The following SNRPC variants were observed in gnomAD, a reference collection of about 807,000 sequenced individuals.
The protein encoded by SNRPC is U1 small nuclear ribonucleoprotein C.
Under a neutral mutation model 20.0 loss-of-function variants are expected in SNRPC, and 5 were observed. That is an observed-to-expected ratio of 0.25 (90% CI 0.13 to 0.53). The LOEUF (loss-of-function observed/expected upper bound fraction) is 0.53. Among genes scored for constraint, SNRPC ranks in the 20% least tolerant of loss-of-function variants. The pLI, the probability that SNRPC is intolerant of heterozygous loss-of-function variation, is 0.96. For synonymous variants in SNRPC, 61 were observed against 58.7 expected (o/e 1.04, Z -0.18); for missense variants, 112 against 224.1 (o/e 0.50, Z 3.19).
intron 2 of SNRPC, among the ~76,000 whole-genome samples, chr6:34,759,254 A>G (rs7341267): frequency 0.45 from 67,958 of 152,062 alleles, 17,227 homozygotes; most frequent in African/African-American, 0.7. Context: ...CTGAATATAC[A>G]GTTTGTGTCT....
Position 34,757,565 on chromosome 6 carries a change from C to G in SNRPC, c.8+14C>G, listed in dbSNP as rs201535686. On this transcript the variant is annotated intron_variant, in intron 1 of 5. Coordinates refer to ENST00000244520, the MANE Select transcript of SNRPC (RefSeq NM_003093.3). Reference sequence around the variant, plus strand: ...CAACATGCCCAAGTGAGTGGGGCCCCGAAATCTGAGGGTGATCGTAGTCAC... The same window carrying G: ...CAACATGCCCAAGTGAGTGGGGCCCGGAAATCTGAGGGTGATCGTAGTCAC... 3.0e-5 allele frequency: 49 copies of G among 1,612,376 alleles called. No individual in the cohort carries two copies. Among genetic ancestry groups the G allele is most frequent in the Non-Finnish European group, 2.0e-5 (24 of 1,178,508 alleles).
chr6:34,771,328 CAAAAAA>C (rs774284128), intron 5 of SNRPC, among the ~76,000 whole-genome samples: 1 of 63,802 alleles, frequency 1.6e-5, no homozygotes, highest in East Asian at 3.5e-4. Flanking sequence ...GACTGTGTCT[CAAAAAA>C]AAAAAAAAAA....
intron 2 of SNRPC, 152 bp from the exon 3 acceptor site, chr6:34,762,443 G>T: frequency 1.8e-6 from 1 of 555,806 alleles, no homozygotes; most frequent in Non-Finnish European, 3.2e-6. Context: ...AATTACCACA[G>T]TGTGTTGCTG....
intron 2 of SNRPC, 27 bp downstream of exon 2, chr6:34,757,981 C>T: frequency 6.3e-7 from 1 of 1,592,166 alleles, no homozygotes; most frequent in Non-Finnish European, 8.5e-7. Context: ...TTCATAGTTT[C>T]AAAAAGCCTT....
At chr6:34,759,853 C>A (rs1420731709) in intron 2 of SNRPC, among the ~76,000 whole-genome samples, 2 of 152,208 alleles carry the variant, frequency 1.3e-5, no homozygotes, top group African/African-American at 4.8e-5. Context: ...CTATGCTTTG[C>A]TGTCTCTGTA....
chr6:34,770,669 A>G (rs1409203712), intron 5 of SNRPC, among the ~76,000 whole-genome samples: 2 of 152,266 alleles, frequency 1.3e-5, no homozygotes, highest in Non-Finnish European at 1.5e-5. Flanking sequence ...ACCTCGTGCT[A>G]CTAAAAGCAG....
At chr6:34,769,904 A>G (rs1764664693) in intron 4 of SNRPC, among the ~76,000 whole-genome samples, 1 of 152,212 alleles carries the variant, frequency 6.6e-6, no homozygotes, top group Admixed American at 6.5e-5. Flanking sequence ...GAAGGAGTTC[A>G]TGAGATCCTT....
Position 34,773,573 on chromosome 6 carries a change from A to T in SNRPC, c.*3A>T. 6.2e-7 allele frequency: 1 copy of T among 1,613,236 alleles called. No individual in the cohort carries two copies. Among genetic ancestry groups the T allele is most frequent in the Non-Finnish European group, 8.5e-7 (1 of 1,179,638 alleles). ...GAATGACTCGACCAGACAGATAAGG[A>T]TAGAGGGGAGGCCTTATTGTATCGG... On this transcript the variant is annotated 3_prime_UTR_variant, in exon 6 of 6. Coordinates refer to ENST00000244520, the MANE Select transcript of SNRPC (RefSeq NM_003093.3). The surrounding 1 kb of genome is among the most constrained non-coding windows in gnomAD (Gnocchi z 4.1).
chr6:34,757,805 TTTTTG>T (rs748062559), intron 1 of SNRPC, 102 bp from the exon 2 acceptor site: 44 of 1,603,600 alleles, frequency 2.7e-5, no homozygotes, highest in South Asian at 1.9e-4. Context: ...GCGGTCTGGC[TTTTTG>T]TTTTGTTTGT....
At chr6:34,769,174 CGG>C (rs1561791693) in intron 4 of SNRPC, among the ~76,000 whole-genome samples, 3 of 151,586 alleles carry the variant, frequency 2.0e-5, no homozygotes, top group Admixed American at 6.6e-5. Flanking sequence ...TTTTTGATAG[CGG>C]AATAGTCTAT....
At chr6:34,767,038 AATTG>A (rs1265350063) in intron 3 of SNRPC, among the ~76,000 whole-genome samples, 1 of 152,100 alleles carries the variant, frequency 6.6e-6, no homozygotes, top group South Asian at 2.1e-4. Flanking sequence ...AAAATTTTTA[AATTG>A]ATTGCATTAG....
chr6:34,764,723 T>A (rs1237641242), intron 3 of SNRPC, among the ~76,000 whole-genome samples: 1 of 151,574 alleles, frequency 6.6e-6, no homozygotes, highest in East Asian at 2.0e-4. Context: ...AATTTTCAAA[T>A]AAAATAGAGA....
chr6:34,769,101 A>G (rs1452561742), intron 4 of SNRPC, among the ~76,000 whole-genome samples: 2 of 152,166 alleles, frequency 1.3e-5, no homozygotes, highest in East Asian at 3.8e-4. Flanking sequence ...CTCAGCCCAT[A>G]GCAACTCCAA....
intron 3 of SNRPC, among the ~76,000 whole-genome samples, chr6:34,764,486 CA>C (rs200484684): frequency 2.1e-5 from 3 of 145,828 alleles, no homozygotes; most frequent in East Asian, 2.0e-4. Flanking sequence ...CAAAAACAAA[CA>C]AAAAAAAACA....
chr6:34,757,852 T>C, intron 1 of SNRPC, 60 bp from the exon 2 acceptor site: 1 of 1,610,552 alleles, frequency 6.2e-7, no homozygotes, highest in African/African-American at 1.4e-5. Context: ...TGAACAGCGC[T>C]TCCGTGGATG....
Position 34,773,354 on chromosome 6 carries a change from G to A in SNRPC, c.356-92G>A, listed in dbSNP as rs772753126. The A allele has an allele frequency of 1.3e-5, 16 of 1,185,342 alleles. No homozygotes were observed. Among genetic ancestry groups the A allele is most frequent in the Non-Finnish European group, 1.7e-5 (14 of 844,754 alleles). The allele number at this position is 1,185,342 out of a possible 1,614,324, so 73.4% of individuals were successfully genotyped here. On this transcript the variant is annotated intron_variant, in intron 5 of 5. Transcript: ENST00000244520. The surrounding 1 kb of genome is among the most constrained non-coding windows in gnomAD (Gnocchi z 4.1). ...TCCAGCATTTTGCAAGGGGGGCTAC[G>A]TTTTTTGTTTTTAATTGAAGTCCCA...
intron 5 of SNRPC, among the ~76,000 whole-genome samples, chr6:34,772,343 G>A (rs1056138123): frequency 3.9e-5 from 6 of 152,180 alleles, no homozygotes; most frequent in Non-Finnish European, 7.3e-5. Context: ...TAAAGAAAAC[G>A]AGTTTCCAGT....
At chr6:34,762,160 T>C (rs1364527483) in intron 2 of SNRPC, among the ~76,000 whole-genome samples, 2 of 152,108 alleles carry the variant, frequency 1.3e-5, no homozygotes, top group Non-Finnish European at 2.9e-5. Context: ...AAAAGTTGGC[T>C]GGTCATAGTG....
intron 4 of SNRPC, among the ~76,000 whole-genome samples, chr6:34,769,069 C>T (rs1764652992): frequency 6.6e-6 from 1 of 152,144 alleles, no homozygotes; most frequent in Admixed American, 6.6e-5. Context: ...TGGGCACCTG[C>T]CATCCTAGGA....
Sources: allele counts gnomAD v4.1 joint callset (sites outside exome capture counted in the v4.1 genomes callset), GRCh38; gene constraint gnomAD v4.1.1; non-coding constraint Gnocchi (gnomAD v3.1); transcripts MANE v1.5; gene names NCBI Gene and HGNC (gene_info 2026-07-23, HGNC 2026-07-21).